The following ZNF451 variants were observed in gnomAD, a reference collection of about 807,000 sequenced individuals.
ZNF451 encodes E3 SUMO-protein ligase ZNF451.
ZNF451 carries 80 observed loss-of-function variants against 107.1 expected under a neutral mutation model. The ratio of observed to expected loss-of-function variants is 0.75; its 90% CI spans 0.62 to 0.90. The LOEUF (loss-of-function observed/expected upper bound fraction) is 0.90, where lower values mean the gene tolerates loss of function less well. Ranked by LOEUF, ZNF451 falls within the 40% of genes least tolerant of loss-of-function variation. ZNF451 has a pLI of 0.00. For synonymous variants in ZNF451, 362 were observed against 406.5 expected (o/e 0.89, Z 1.32); for missense variants, 1,107 against 1,236.2 (o/e 0.90, Z 1.57).
intron 3 of ZNF451, 102 bp from the exon 4 acceptor site, chr6:57,124,632 C>A: frequency 1.2e-6 from 1 of 860,208 alleles, no homozygotes; most frequent in South Asian, 1.6e-5. Context: ...TCTTATAACT[C>A]AAGTAAATGG....
At chr6:57,093,186 G>A (rs1474130047) in intron 2 of ZNF451, 1 of 152,146 alleles carries the variant, frequency 6.6e-6, no homozygotes, top group Admixed American at 6.5e-5. Context: ...ATAGTTCACA[G>A]TGCTGTTCTA....
At chr6:57,093,354 A>C (rs954527029) in intron 2 of ZNF451, among the ~76,000 whole-genome samples, 1 of 152,232 alleles carries the variant, frequency 6.6e-6, no homozygotes, top group Non-Finnish European at 1.5e-5. Flanking sequence ...TCAGTACCAC[A>C]TAGATCAAGT....
In ZNF451 at chr6:57,170,300, G is replaced by A. The variant is rs1253889702; in HGVS notation, c.*1831G>A. The A allele has an allele frequency of 1.3e-5, 2 of 152,162 alleles. No individual in the cohort carries two copies. Among genetic ancestry groups the A allele is most frequent in the African/African-American group, 4.8e-5 (2 of 41,436 alleles). 9.4% of individuals were successfully genotyped at this position (152,162 alleles called of 1,614,324 possible). ...GTCAGAAGTAAATGTTTCTAACATT[G>A]ACAAAGATGCTTATCTTTTCATTAC... On this transcript the variant is annotated 3_prime_UTR_variant, in exon 15 of 15. Coordinates refer to ENST00000370706, the MANE Select transcript of ZNF451 (RefSeq NM_001031623.3).
At chr6:57,131,893 T>C (rs185554765) in intron 5 of ZNF451, among the ~76,000 whole-genome samples, 1 of 152,320 alleles carries the variant, frequency 6.6e-6, no homozygotes, top group African/African-American at 2.4e-5. Flanking sequence ...TTTGCAATTG[T>C]TTTTTATACA....
intron 9 of ZNF451, among the ~76,000 whole-genome samples, chr6:57,142,603 A>T (rs142539689): frequency 2.6e-4 from 40 of 152,250 alleles, no homozygotes; most frequent in African/African-American, 8.7e-4. Context: ...TCCCTTGTTG[A>T]TAGATAGTTG....
intron 9 of ZNF451, among the ~76,000 whole-genome samples, chr6:57,145,619 A>G (rs958732019): frequency 2.0e-5 from 3 of 152,138 alleles, no homozygotes; most frequent in African/African-American, 7.2e-5. Flanking sequence ...TGTTGCTTCA[A>G]AAGGCATGAT....
In ZNF451 at chr6:57,141,411, A is replaced by G. The variant is rs1304791024; in HGVS notation, c.812A>G (p.His271Arg). Residue 271 changes from histidine (H) to arginine (R), a missense_variant, in exon 8 of 15, where the codon CAT becomes CGT. Physicochemically the swap from His to Arg is conservative, Grantham distance 29. Transcript: ENST00000370706. ...LFSRKEECSKHMSGKNHFHQS... is the reference protein window; with the variant it reads ...LFSRKEECSKRMSGKNHFHQS... Reference sequence around the variant, plus strand: ...AGCAGAAAGGAGGAGTGTTCAAAGCATATGTCTGGAAAGAATCATTTCCAT... The same window carrying G: ...AGCAGAAAGGAGGAGTGTTCAAAGCGTATGTCTGGAAAGAATCATTTCCAT... 1.9e-6 allele frequency: 3 copies of G among 1,613,126 alleles called. No homozygotes were observed. The highest frequency in any genetic ancestry group is 1.1e-5 in the South Asian group (1 of 90,948).
At chr6:57,158,057 A>G (rs1763513177) in intron 13 of ZNF451, among the ~76,000 whole-genome samples, 1 of 152,204 alleles carries the variant, frequency 6.6e-6, no homozygotes, top group African/African-American at 2.4e-5. Flanking sequence ...GTGTTGGATT[A>G]CCCCATTTTA....
intron 13 of ZNF451, chr6:57,159,171 T>C: frequency 1.0e-6 from 1 of 985,374 alleles, no homozygotes; most frequent in Non-Finnish European, 1.2e-6. Context: ...TTTACGATTT[T>C]CTCTGTTCTT....
intron 7 of ZNF451, among the ~76,000 whole-genome samples, chr6:57,140,473 G>A (rs1831697323): frequency 6.6e-6 from 1 of 152,102 alleles, no homozygotes; most frequent in Non-Finnish European, 1.5e-5. Context: ...GGCTCATTCA[G>A]TACTAGGGGA....
chr6:57,152,501 T>A (rs1198779344), intron 12 of ZNF451, 150 bp downstream of exon 12: 3 of 839,110 alleles, frequency 3.6e-6, no homozygotes, highest in Non-Finnish European at 5.5e-6. Flanking sequence ...CCATAGCATA[T>A]TTTTATTGCT....
At chr6:57,110,735 T>C (rs1830066890) in intron 3 of ZNF451, among the ~76,000 whole-genome samples, 1 of 152,138 alleles carries the variant, frequency 6.6e-6, no homozygotes, top group Non-Finnish European at 1.5e-5. Context: ...AGGTGTTGTA[T>C]TGAAGGAGGA....
intron 7 of ZNF451, among the ~76,000 whole-genome samples, chr6:57,138,542 A>G (rs1157985345): frequency 1.3e-5 from 2 of 150,682 alleles, no homozygotes; most frequent in African/African-American, 2.4e-5. Flanking sequence ...GATTACAGGC[A>G]TGAGCCATCA....
rs1024854360 is a variant in ZNF451 at position 57,153,418 on chromosome 6, T to C, written c.2884-443T>C. ...TCTTTCTTTCTCTCTTTTTTTTTTT[T>C]TCCTTTTTGAGACGGAGTGTCACTC... On this transcript the variant is annotated intron_variant, in intron 12 of 14. Coordinates refer to ENST00000370706, the MANE Select transcript of ZNF451 (RefSeq NM_001031623.3). Among the ~76,000 whole-genome samples the C allele has an allele frequency of 7.2e-5, 11 of 151,846 alleles. No homozygotes were observed. In the South Asian group the frequency reaches 1.0e-3, roughly 14 times the overall value.
rs1036661554 is a variant in ZNF451, at chr6:57,170,111, A to G, written c.*1642A>G. The G allele has an allele frequency of 1.5e-4, 23 of 152,230 alleles. No individual in the cohort carries two copies. The highest frequency in any genetic ancestry group is 5.5e-4 in the African/African-American group (23 of 41,452). 9.4% of individuals were successfully genotyped at this position (152,230 alleles called of 1,614,324 possible). On this transcript the variant is annotated 3_prime_UTR_variant, in exon 15 of 15. Transcript: ENST00000370706. ...GGGATATTTCATCATGACTGTTAAG[A>G]AAAGGTAACTGGGTTGTTTAATGTT... is the stretch of plus-strand genomic sequence containing the variant.
intron 11 of ZNF451, 95 bp downstream of exon 11, chr6:57,150,957 C>A: frequency 7.3e-7 from 1 of 1,365,752 alleles, no homozygotes; most frequent in Non-Finnish European, 1.0e-6. Context: ...CTGGATAGAA[C>A]ATAGGAACAT....
chr6:57,099,504 C>T (rs1829485944), intron 3 of ZNF451: 1 of 716,794 alleles, frequency 1.4e-6, no homozygotes, highest in Non-Finnish European at 2.6e-6. Context: ...GTTCCAGAAC[C>T]ACATGACCAC....
chr6:57,106,023 A>G lies in ZNF451; in HGVS notation c.186+6882A>G, dbSNP rs186783755. 3.1e-3 allele frequency: 3,043 copies of G among 981,956 alleles called. 9 individuals carry two copies. The highest frequency in any genetic ancestry group is 5.7e-3 in the Admixed American group (93 of 16,274). The allele number at this position is 981,956 out of a possible 1,614,324, so 60.8% of individuals were successfully genotyped here. ...ACTTGGACAGTATTTAGTATTCTAT[A>G]TTAGTACTACACTAATAATTTACTG... On this transcript the variant is annotated intron_variant, in intron 3 of 14. Coordinates refer to ENST00000370706, the MANE Select transcript of ZNF451 (RefSeq NM_001031623.3).
chr6:57,126,436 T>A (rs974079961), intron 4 of ZNF451: 1 of 152,068 alleles, frequency 6.6e-6, no homozygotes, highest in African/African-American at 2.4e-5. Flanking sequence ...AAGGAAGATA[T>A]TGAAACTGAA....
Sources: allele counts gnomAD v4.1 joint callset (sites outside exome capture counted in the v4.1 genomes callset), GRCh38; gene constraint gnomAD v4.1.1; transcripts MANE v1.5; gene names NCBI Gene and HGNC (gene_info 2026-07-23, HGNC 2026-07-21).